The following TTC23 variants were observed in gnomAD, a reference collection of about 807,000 sequenced individuals.
TTC23 encodes the protein tetratricopeptide repeat protein 23.
Under a neutral mutation model 55.1 loss-of-function variants are expected in TTC23, and 58 were observed. The ratio of observed to expected loss-of-function variants is 1.05; its 90% CI spans 0.85 to 1.31. The LOEUF (loss-of-function observed/expected upper bound fraction) is 1.31, where lower values mean the gene tolerates loss of function less well. TTC23 is among the 50% of genes most tolerant of loss of function. TTC23 has a pLI of 0.00. For missense variants in TTC23, 516 were observed against 534.4 expected (o/e 0.97, Z 0.34); for synonymous variants, 203 against 199.9 (o/e 1.02, Z -0.13).
chr15:99,179,863 C>T (rs758410659), intron 9 of TTC23, among the ~76,000 whole-genome samples: 87 of 152,238 alleles, frequency 5.7e-4, no homozygotes, highest in Non-Finnish European at 1.0e-4. Context: ...GGCAGTGAGG[C>T]TTCCTTAGGG....
intron 12 of TTC23, among the ~76,000 whole-genome samples, chr15:99,153,201 T>C (rs1320062682): frequency 6.6e-6 from 1 of 152,240 alleles, no homozygotes; most frequent in African/African-American, 2.4e-5. Context: ...GTCTTTGGCA[T>C]ATGGGTAATG....
intron 8 of TTC23, among the ~76,000 whole-genome samples, chr15:99,209,344 A>T (rs1232702675): frequency 6.6e-6 from 1 of 152,250 alleles, no homozygotes; most frequent in African/African-American, 2.4e-5. Context: ...GGGATTTTCC[A>T]TAGCCAACAT....
intron 8 of TTC23, among the ~76,000 whole-genome samples, chr15:99,214,449 A>C (rs2077287629): frequency 7.0e-6 from 1 of 143,250 alleles, no homozygotes; most frequent in African/African-American, 2.6e-5. Flanking sequence ...TAGAACTTGC[A>C]GTGAGCCGAG....
At chr15:99,162,751 T>C (rs536702761) in intron 10 of TTC23, among the ~76,000 whole-genome samples, 4 of 152,230 alleles carry the variant, frequency 2.6e-5, no homozygotes, top group South Asian at 4.2e-4. Flanking sequence ...TCTCCTGAGA[T>C]GAGCTTATGT....
chr15:99,147,071 C>T (rs1431163547), intron 12 of TTC23, among the ~76,000 whole-genome samples: 4 of 151,128 alleles, frequency 2.6e-5, no homozygotes, highest in Admixed American at 6.6e-5. Context: ...CACGCCACCA[C>T]ACCTGGCTAA....
rs2067637845 is a variant in TTC23, at chr15:99,136,942, C to T, written c.*1068G>A. The T allele has an allele frequency of 6.6e-6, 1 of 152,288 alleles. No individual in the cohort carries two copies. The highest frequency in any genetic ancestry group is 2.4e-5 in the African/African-American group (1 of 41,436). The allele number at this position is 152,288 out of a possible 1,614,324, so 9.4% of individuals were successfully genotyped here. ...TCCCCATCAATACTGGAGGTGGTGC[C>T]CTGCACAAATGGCCCCAGGGTGGTT... is the stretch of plus-strand genomic sequence containing the variant. On this transcript the variant is annotated 3_prime_UTR_variant, in exon 14 of 14. Coordinates refer to ENST00000394132, the MANE Select transcript of TTC23 (RefSeq NM_001288615.3).
At chr15:99,247,925 A>C (rs2080402596) in intron 1 of TTC23, among the ~76,000 whole-genome samples, 1 of 152,176 alleles carries the variant, frequency 6.6e-6, no homozygotes, top group Non-Finnish European at 1.5e-5. Context: ...ATAATATATA[A>C]ATTATACTTC....
Position 99,137,637 on chromosome 15 carries a change from C to CT in TTC23, c.*372dup, listed in dbSNP as rs2151817672. On this transcript the variant is annotated 3_prime_UTR_variant, in exon 14 of 14. Coordinates refer to ENST00000394132, the MANE Select transcript of TTC23 (RefSeq NM_001288615.3). ...ACTTCCTGAAGTTCACTGTCCAGAT[C>CT]TAACTCCACACCTATGCAAGGAGCT... 5.1e-6 allele frequency: 1 copy of CT among 196,210 alleles called. No individual in the cohort carries two copies. Among genetic ancestry groups the CT allele is most frequent in the African/African-American group, 2.3e-5 (1 of 43,628 alleles). The allele number at this position is 196,210 out of a possible 1,614,324, so 12.2% of individuals were successfully genotyped here.
chr15:99,201,936 G>A (rs966842197), intron 8 of TTC23, among the ~76,000 whole-genome samples: 5 of 152,140 alleles, frequency 3.3e-5, no homozygotes, highest in South Asian at 2.1e-4. Flanking sequence ...CTTAGATTCC[G>A]TGGTAGACAA....
chr15:99,183,329 T>TC (rs2151949618), intron 9 of TTC23, among the ~76,000 whole-genome samples: 1 of 150,966 alleles, frequency 6.6e-6, no homozygotes, highest in South Asian at 2.1e-4. Context: ...TCTTTTCTTT[T>TC]TTTTTTTTTT....
Position 99,137,910 on chromosome 15 carries a change from A to G in TTC23, c.*100T>C. On this transcript the variant is annotated 3_prime_UTR_variant, in exon 14 of 14. Transcript: ENST00000394132. ...CCAACAGTTGGCCTTGGAAATCTGT[A>G]TCCTGACTGTTGAATTCCATTTTCT... 1 of 1,556,212 alleles carries G rather than the reference A, an allele frequency of 6.4e-7. No individual in the cohort carries two copies. Among genetic ancestry groups the G allele is most frequent in the Non-Finnish European group, 8.7e-7 (1 of 1,143,848 alleles).
rs542561347 is a variant in TTC23 at position 99,191,194 on chromosome 15, A to T, written c.759+8725T>A. 7.9e-5 allele frequency among the ~76,000 whole-genome samples: 12 copies of T among 152,366 alleles called. No homozygotes were observed. The East Asian group carries it at 2.3e-3, about 29-fold the overall frequency. On this transcript the variant is annotated intron_variant, in intron 9 of 13. Coordinates refer to ENST00000394132, the MANE Select transcript of TTC23 (RefSeq NM_001288615.3). The stretch of plus-strand genomic sequence containing the variant: ...AAATTGGCATATTTAATGCACTATA[A>T]AGCCATAAGTAAATGCGTTTGATTT...
intron 10 of TTC23, among the ~76,000 whole-genome samples, chr15:99,170,628 A>C (rs2072789447): frequency 6.6e-6 from 1 of 152,226 alleles, no homozygotes; most frequent in African/African-American, 2.4e-5. Context: ...CTTAGTTGTT[A>C]CACAAAGATA....
At chr15:99,151,127 G>C (rs1283028019) in intron 12 of TTC23, among the ~76,000 whole-genome samples, 1 of 152,164 alleles carries the variant, frequency 6.6e-6, no homozygotes, top group East Asian at 1.9e-4. Context: ...ATTTTTAAGG[G>C]AAGGGGCTAC....
At chr15:99,199,126 C>T (rs2075985730) in intron 9 of TTC23, among the ~76,000 whole-genome samples, 1 of 152,088 alleles carries the variant, frequency 6.6e-6, no homozygotes, top group Non-Finnish European at 1.5e-5. Context: ...TGGATAATAT[C>T]GGTGGCCCTC....
chr15:99,239,302 C>T (rs1468255264), intron 3 of TTC23, among the ~76,000 whole-genome samples: 1 of 152,042 alleles, frequency 6.6e-6, no homozygotes, highest in African/African-American at 2.4e-5. Flanking sequence ...CTGGCCAACA[C>T]AGTGAAAACC....
intron 12 of TTC23, among the ~76,000 whole-genome samples, chr15:99,144,036 GA>G (rs1357123982): frequency 6.6e-6 from 1 of 152,164 alleles, no homozygotes; most frequent in Non-Finnish European, 1.5e-5. Flanking sequence ...AAAAGCCCTC[GA>G]AATTCCAGTC....
intron 9 of TTC23, among the ~76,000 whole-genome samples, chr15:99,180,690 A>G (rs1221848799): frequency 6.6e-6 from 1 of 152,164 alleles, no homozygotes; most frequent in African/African-American, 2.4e-5. Context: ...GCTCTTGGGG[A>G]TGGGGTGGGT....
At chr15:99,228,794 A>G (rs2078681609) in intron 4 of TTC23, 62 bp from the exon 5 acceptor site, 2 of 1,328,240 alleles carry the variant, frequency 1.5e-6, no homozygotes, top group African/African-American at 1.5e-5. Flanking sequence ...TTTTAGAAAT[A>G]TACATTTCAA....
Sources: allele counts gnomAD v4.1 joint callset (sites outside exome capture counted in the v4.1 genomes callset), GRCh38; gene constraint gnomAD v4.1.1; transcripts MANE v1.5; gene names NCBI Gene and HGNC (gene_info 2026-07-23, HGNC 2026-07-21).